ZNF37A: variants seen among roughly 807,000 people sequenced by gnomAD.
The protein encoded by ZNF37A is zinc finger protein 37a (KOX 21).
A neutral mutation model predicts 12.3 loss-of-function variants in ZNF37A; 10 were observed. That is an observed-to-expected ratio of 0.82 (90% CI 0.50 to 1.38). The LOEUF (loss-of-function observed/expected upper bound fraction) is 1.38. ZNF37A is among the 40% of genes most tolerant of loss of function. ZNF37A has a pLI of 0.00. For synonymous variants in ZNF37A, 207 were observed against 223.0 expected (o/e 0.93, Z 0.64); for missense variants, 580 against 651.2 (o/e 0.89, Z 1.19).
chr10:38,114,122 C>G (rs556306112), intron 5 of ZNF37A, among the ~76,000 whole-genome samples: 1 of 152,250 alleles, frequency 6.6e-6, no homozygotes, highest in African/African-American at 2.4e-5. Flanking sequence ...TTGGAGAACA[C>G]TAACAGGATT....
At chr10:38,133,577 G>T (rs530601574) in intron 7 of ZNF37A, among the ~76,000 whole-genome samples, 1 of 149,532 alleles carries the variant, frequency 6.7e-6, no homozygotes, top group Admixed American at 6.8e-5. Flanking sequence ...TTGGTTTTCT[G>T]TCCTTGTGAT....
chr10:38,115,573 T>C (rs1334926747), intron 7 of ZNF37A: 1 of 211,210 alleles, frequency 4.7e-6, no homozygotes, highest in Admixed American at 5.6e-5. Context: ...GTAACACTCA[T>C]GTACCCATCA....
downstream of ZNF37A, among the ~76,000 whole-genome samples, chr10:38,129,319 A>AAAAAAAAAAAAAAAAAAC: frequency 1.8e-4 from 21 of 116,266 alleles, 2 homozygotes; most frequent in African/African-American, 4.4e-4. Flanking sequence ...AAAAAAAAAA[A>AAAAAAAAAAAAAAAAAAC]AAACTATTAT....
chr10:38,095,894 A>C (rs897686357), intron 4 of ZNF37A, 90 bp downstream of exon 4: 2 of 152,204 alleles, frequency 1.3e-5, no homozygotes, highest in Non-Finnish European at 2.9e-5. Flanking sequence ...CCTTCCAAAA[A>C]AACTGGGCTG....
intron 5 of ZNF37A, among the ~76,000 whole-genome samples, chr10:38,103,147 C>A (rs1264094096): frequency 1.3e-5 from 2 of 152,100 alleles, no homozygotes; most frequent in East Asian, 1.9e-4. Context: ...TTCTCCTCTT[C>A]GTTAGTAACT....
chr10:38,120,352 C>CT lies in ZNF37A; in HGVS notation c.*1516dup. ...GTTGAGGTGGGAGGATCACTTGAAC[C>CT]TGGGAGGTGGGGGTTTCAGTGAGCT... On this transcript the variant is annotated 3_prime_UTR_variant, in exon 8 of 8. Coordinates refer to ENST00000685332, the MANE Select transcript of ZNF37A (RefSeq NM_001324250.3). The CT allele has an allele frequency of 6.6e-6, 1 of 152,194 alleles. No individual in the cohort carries two copies. Among genetic ancestry groups the CT allele is most frequent in the African/African-American group, 2.4e-5 (1 of 41,500 alleles). The allele number at this position is 152,194 out of a possible 1,614,324, so 9.4% of individuals were successfully genotyped here.
intron 5 of ZNF37A, among the ~76,000 whole-genome samples, chr10:38,105,007 CTTTT>C (rs386371223): frequency 7.2e-6 from 1 of 139,608 alleles, no homozygotes; most frequent in Admixed American, 7.2e-5. Context: ...AATATTTTTT[CTTTT>C]TTTTTTTTTT....
downstream of ZNF37A, among the ~76,000 whole-genome samples, chr10:38,128,489 T>TATAAA (rs2069960685): frequency 6.6e-6 from 1 of 152,226 alleles, no homozygotes; most frequent in African/African-American, 2.4e-5. Context: ...TATTATACTT[T>TATAAA]CTGTCACAAA....
Position 38,121,889 on chromosome 10 carries a change from C to CA in ZNF37A, c.*3053dup, listed in dbSNP as rs2069720756. 1 of 151,948 alleles carries CA rather than the reference C, an allele frequency of 6.6e-6. No individual in the cohort carries two copies. Among genetic ancestry groups the CA allele is most frequent in the African/African-American group, 2.4e-5 (1 of 41,376 alleles). 9.4% of individuals were successfully genotyped at this position (151,948 alleles called of 1,614,324 possible). A position where few individuals can be genotyped will look rare whatever the true frequency, so the allele number is the denominator to read the frequency against. On this transcript the variant is annotated 3_prime_UTR_variant, in exon 8 of 8. Coordinates refer to ENST00000685332, the MANE Select transcript of ZNF37A (RefSeq NM_001324250.3). ...AAGGGGAACAGGGATGATTCCTAGT[C>CA]AGAGATTGGGAGAAATACAAGATGA... is the stretch of plus-strand genomic sequence containing the variant.
intron 7 of ZNF37A, among the ~76,000 whole-genome samples, chr10:38,136,422 G>T (rs575378529): frequency 6.6e-6 from 1 of 152,136 alleles, no homozygotes; most frequent in Non-Finnish European, 1.5e-5. Context: ...CCAAAGTGCT[G>T]GGATTACAGG....
chr10:38,105,047 C>T (rs1196692735), intron 5 of ZNF37A, among the ~76,000 whole-genome samples: 8 of 149,254 alleles, frequency 5.4e-5, no homozygotes, highest in Non-Finnish European at 8.9e-5. Context: ...CTCTTGGTGC[C>T]CAGGCTGGAA....
rs1256407994 is a variant in ZNF37A at position 38,124,531 on chromosome 10, G to GC, written c.*5696dup. On this transcript the variant is annotated 3_prime_UTR_variant, in exon 8 of 8. Transcript: ENST00000685332. The stretch of plus-strand genomic sequence containing the variant: ...CTGATGTGATTATTAGACATTGCAT[G>GC]CCTATATCAAAATATATCATGTACC... 6.6e-6 allele frequency: 1 copy of GC among 152,046 alleles called. No homozygotes were observed. The highest frequency in any genetic ancestry group is 1.5e-5 in the Non-Finnish European group (1 of 68,010). 9.4% of individuals were successfully genotyped at this position (152,046 alleles called of 1,614,324 possible).
At chr10:38,108,028 C>G (rs117876301) in intron 5 of ZNF37A, among the ~76,000 whole-genome samples, 6,433 of 152,154 alleles carry the variant, frequency 0.042, 189 homozygotes, top group Non-Finnish European at 0.06. Flanking sequence ...AGAACTCTCC[C>G]CACCCAAATT....
downstream of ZNF37A, among the ~76,000 whole-genome samples, chr10:38,127,122 CA>C (rs2069939372): frequency 6.6e-6 from 1 of 152,096 alleles, no homozygotes; most frequent in Admixed American, 6.6e-5. Flanking sequence ...GATTGACCCC[CA>C]AAAAATGTAA....
At chr10:38,126,804 GCCATAACTGCA>G (rs748493702), downstream of ZNF37A, among the ~76,000 whole-genome samples, 3 of 152,010 alleles carry the variant, frequency 2.0e-5, no homozygotes, top group Non-Finnish European at 4.4e-5. Context: ...GCCAACTATA[GCCATAACTGCA>G]CCCCAGGCCG....
At chr10:38,117,233 C>A (rs176888) in intron 7 of ZNF37A, 157 bp from the exon 8 acceptor site, 635,641 of 984,136 alleles carry the variant, frequency 0.65, 207,915 homozygotes, top group African/African-American at 0.92. Flanking sequence ...GCTGTGTTGA[C>A]TTGAAAAGAG....
chr10:38,119,290 A>G lies in ZNF37A; in HGVS notation c.*453A>G, dbSNP rs2069546990. On this transcript the variant is annotated 3_prime_UTR_variant, in exon 8 of 8. Transcript: ENST00000685332. ...TCTAATTGTTCACCACAGAACTCAT[A>G]TAAGACAGAAACCCTATGGGTGTAA... The G allele has an allele frequency of 1.9e-6, 2 of 1,045,042 alleles. No individual in the cohort carries two copies. The highest frequency in any genetic ancestry group is 2.3e-6 in the Non-Finnish European group (2 of 854,548). The allele number at this position is 1,045,042 out of a possible 1,614,324, so 64.7% of individuals were successfully genotyped here.
At chr10:38,095,974 C>G (rs750065134) in intron 4 of ZNF37A, among the ~76,000 whole-genome samples, 170 bp downstream of exon 4, 7 of 152,014 alleles carry the variant, frequency 4.6e-5, no homozygotes, top group Non-Finnish European at 8.8e-5. Flanking sequence ...ATCAAGAGGT[C>G]AGGAGTTCGA....
chr10:38,127,786 T>A (rs1368953085), downstream of ZNF37A, among the ~76,000 whole-genome samples: 1 of 152,174 alleles, frequency 6.6e-6, no homozygotes, highest in African/African-American at 2.4e-5. Context: ...CTGAAGTAAG[T>A]ATTTGCAGAA....
Sources: allele counts gnomAD v4.1 joint callset (sites outside exome capture counted in the v4.1 genomes callset), GRCh38; gene constraint gnomAD v4.1.1; transcripts MANE v1.5; gene names NCBI Gene and HGNC (gene_info 2026-07-23, HGNC 2026-07-21).